Variants in RBFOX1 observed in about 807,000 individuals in gnomAD.
The protein encoded by RBFOX1 is RNA binding fox-1 homolog 1, also known as RNA binding protein fox-1 homolog 1.
A neutral mutation model predicts 57.7 loss-of-function variants in RBFOX1; 8 were observed. The observed-to-expected ratio is 0.14, with a 90% CI of 0.08 to 0.25. RBFOX1 has a LOEUF of 0.25. Ranked by LOEUF, RBFOX1 falls within the 10% of genes least tolerant of loss-of-function variation. RBFOX1 has a pLI of 1.00. For missense variants in RBFOX1, 611 were observed against 548.5 expected (o/e 1.11, Z -1.14); for synonymous variants, 326 against 222.4 (o/e 1.47, Z -4.15).
chr16:5,638,425 C>G lies in RBFOX1; in HGVS notation c.318+39464C>G, dbSNP rs140079611. On this transcript the variant is annotated intron_variant, in intron 3 of 19. Coordinates refer to the RBFOX1 transcript ENST00000641259. ...AGGGGGAGGGCTTCTGGGGAGTAAC[C>G]ATGATGATTGAATAAGCTGGTGTTT... is the stretch of plus-strand genomic sequence containing the variant. Among the ~76,000 whole-genome samples, 586 of 152,174 alleles carry G rather than the reference C, an allele frequency of 3.9e-3. 2 individuals are homozygous for G. The highest frequency in any genetic ancestry group is 6.8e-3 in the Middle Eastern group (2 of 294).
rs1174185442 is a variant in RBFOX1, at chr16:6,859,141, G to GTATATA, written c.-15-192910_-15-192905dup. Among the ~76,000 whole-genome samples the GTATATA allele has an allele frequency of 3.2e-4, 31 of 98,232 alleles. No homozygotes were observed. In the East Asian group the frequency reaches 7.7e-3, roughly 24 times the overall value. 64.4% of individuals were successfully genotyped at this position (98,232 alleles called of 152,430 possible). A position where few individuals can be genotyped will look rare whatever the true frequency, so the allele number is the denominator to read the frequency against. ...TATATATATATATACATATATATACGTATATATATATGTATATATATACGT... is the reference window on the plus strand; with the variant it reads ...TATATATATATATACATATATATACGTATATATATATATATATGTATATATATACGT... On this transcript the variant is annotated intron_variant, in intron 3 of 15. Transcript: ENST00000550418.
chr16:6,861,899 A>T (rs994726013), intron 3 of RBFOX1, among the ~76,000 whole-genome samples: 2 of 138,624 alleles, frequency 1.4e-5, no homozygotes. Context: ...TGTCGTTAAC[A>T]TTAACAAGAG....
chr16:6,978,655 T>C (rs557122243), intron 3 of RBFOX1, among the ~76,000 whole-genome samples: 1 of 152,208 alleles, frequency 6.6e-6, no homozygotes, highest in African/African-American at 2.4e-5. Flanking sequence ...ATGATGATTT[T>C]GTTGTCCCTT....
At chr16:7,468,214 A>G (rs1468601328) in intron 4 of RBFOX1, among the ~76,000 whole-genome samples, 1 of 152,204 alleles carries the variant, frequency 6.6e-6, no homozygotes, top group East Asian at 1.9e-4. Context: ...TAAGGAGACA[A>G]TGAGCAAGCT....
rs573419980 is a variant in RBFOX1, at chr16:5,719,769, A to G, written c.318+120808A>G. ...ATTCCTTTTTATTTCTGAATAATCCATTGTATGGATAGACCCCATTTTATT... is the reference window on the plus strand; with the variant it reads ...ATTCCTTTTTATTTCTGAATAATCCGTTGTATGGATAGACCCCATTTTATT... On this transcript the variant is annotated intron_variant, in intron 3 of 19. Coordinates refer to the RBFOX1 transcript ENST00000641259. 3.3e-5 allele frequency among the ~76,000 whole-genome samples: 5 copies of G among 152,212 alleles called. No homozygotes were observed. The South Asian group carries it at 6.2e-4, about 19-fold the overall frequency.
intron 1 of RBFOX1, among the ~76,000 whole-genome samples, chr16:6,126,297 G>T (rs2096589375): frequency 6.6e-6 from 1 of 152,212 alleles, no homozygotes; most frequent in Non-Finnish European, 1.5e-5. Context: ...CAGGCCGTTG[G>T]TGTTAGCCCT....
intron 3 of RBFOX1, among the ~76,000 whole-genome samples, chr16:6,851,405 A>G (rs2094054868): frequency 6.6e-6 from 1 of 152,190 alleles, no homozygotes; most frequent in Admixed American, 6.5e-5. Context: ...AGTAGAGGTC[A>G]TGGGCTCTCT....
chr16:7,312,608 G>A (rs910701311), intron 4 of RBFOX1, among the ~76,000 whole-genome samples: 3 of 152,058 alleles, frequency 2.0e-5, no homozygotes, highest in African/African-American at 7.2e-5. Flanking sequence ...TTCCTCCAGT[G>A]AGCTGTCATT....
At chr16:5,326,045 T>C (rs999580982) in intron 1 of RBFOX1, among the ~76,000 whole-genome samples, 6 of 152,240 alleles carry the variant, frequency 3.9e-5, no homozygotes, top group African/African-American at 1.4e-4. Context: ...TATAAGAGTT[T>C]GGCATCAGAG....
chr16:5,519,891 T>C (rs1325253588), intron 2 of RBFOX1, among the ~76,000 whole-genome samples: 1 of 152,256 alleles, frequency 6.6e-6, no homozygotes, highest in East Asian at 1.9e-4. Flanking sequence ...TAATTCTTTA[T>C]TGAGCCCATA....
intron 3 of RBFOX1, among the ~76,000 whole-genome samples, chr16:6,800,221 C>G (rs77747887): frequency 0.037 from 5,481 of 146,194 alleles, 235 homozygotes; most frequent in South Asian, 0.15. Flanking sequence ...TGCCTCATAA[C>G]CATGTCTGTT....
chr16:7,540,532 G>T (rs1166930686), intron 5 of RBFOX1, among the ~76,000 whole-genome samples: 3 of 152,214 alleles, frequency 2.0e-5, no homozygotes, highest in East Asian at 3.9e-4. Context: ...AATGATTGCA[G>T]AGTTCTTAGC....
chr16:7,240,070 G>A lies in RBFOX1; in HGVS notation c.27+187972G>A, dbSNP rs137871257. 2.4e-3 allele frequency among the ~76,000 whole-genome samples: 359 copies of A among 152,218 alleles called. 2 individuals carry two copies. Among genetic ancestry groups the A allele is most frequent in the African/African-American group, 7.9e-3 (326 of 41,524 alleles). On this transcript the variant is annotated intron_variant, in intron 4 of 15. Coordinates refer to ENST00000550418, the MANE Select transcript of RBFOX1 (RefSeq NM_018723.4). ...GAACATTTGTCTCCTGAGTTCAAGC[G>A]ATTCTCCTGCCTCAGACTCTTGAGT... is the stretch of plus-strand genomic sequence containing the variant.
At chr16:7,565,646 C>T (rs1252881008) in intron 5 of RBFOX1, among the ~76,000 whole-genome samples, 3 of 152,210 alleles carry the variant, frequency 2.0e-5, no homozygotes, top group Non-Finnish European at 2.9e-5. Flanking sequence ...GCAGTGGGTA[C>T]TCAACCATCG....
At chr16:6,831,052 C>G (rs549343117) in intron 3 of RBFOX1, among the ~76,000 whole-genome samples, 21 of 152,306 alleles carry the variant, frequency 1.4e-4, no homozygotes, top group African/African-American at 4.8e-4. Flanking sequence ...TCTTTTTGCT[C>G]TAATCAAATG....
intron 2 of RBFOX1, among the ~76,000 whole-genome samples, chr16:5,578,870 G>C (rs1371279691): frequency 7.8e-6 from 1 of 127,446 alleles, no homozygotes; most frequent in Admixed American, 8.5e-5. Context: ...TTTTTTTTGA[G>C]AGAGTCTCAC....
At chr16:6,600,816 A>G (rs1567833001) in intron 2 of RBFOX1, among the ~76,000 whole-genome samples, 1 of 152,196 alleles carries the variant, frequency 6.6e-6, no homozygotes, top group Non-Finnish European at 1.5e-5. Flanking sequence ...TAAGAAAAAA[A>G]AGATAGAAAA....
At chr16:6,361,315 G>T (rs1183539985) in intron 2 of RBFOX1, among the ~76,000 whole-genome samples, 1 of 152,094 alleles carries the variant, frequency 6.6e-6, no homozygotes, top group African/African-American at 2.4e-5. Flanking sequence ...CCAGGAACAA[G>T]ATTGAGAAGG....
At position 5,424,874 on chromosome 16, in the gene RBFOX1, T is replaced by TC. The variant is rs1478705717; in HGVS notation, c.220-42342_220-42341insC. The stretch of plus-strand genomic sequence containing the variant: ...CTCTCTCTCTCTTCTTTCTTTCTTT[T>TC]TTTTCTTTCTTTCTTTCTTTCTTTC... On this transcript the variant is annotated intron_variant, in intron 1 of 2. Coordinates refer to the RBFOX1 transcript ENST00000585867. Among the ~76,000 whole-genome samples, 207 of 96,756 alleles carry TC rather than the reference T, an allele frequency of 2.1e-3. 1 individual carries two copies. The highest frequency in any genetic ancestry group is 4.7e-3 in the Admixed American group (44 of 9,462). The allele number at this position is 96,756 out of a possible 152,430, so 63.5% of individuals were successfully genotyped here.
Sources: allele counts gnomAD v4.1 joint callset (sites outside exome capture counted in the v4.1 genomes callset), GRCh38; gene constraint gnomAD v4.1.1; transcripts MANE v1.5; gene names NCBI Gene and HGNC (gene_info 2026-07-23, HGNC 2026-07-21).